The following EBF1 variants were observed in gnomAD, a reference collection of about 807,000 sequenced individuals.
EBF1 encodes EBF transcription factor 1, also known as transcription factor COE1.
EBF1 carries 10 observed loss-of-function variants against 68.4 expected under a neutral mutation model. The ratio of observed to expected loss-of-function variants is 0.15; its 90% confidence interval spans 0.09 to 0.25. EBF1 has a LOEUF of 0.25. EBF1 is among the 10% of genes least tolerant of loss of function. The pLI, the probability that EBF1 is intolerant of heterozygous loss-of-function variation, is 1.00. For missense variants in EBF1, 509 were observed against 794.4 expected (o/e 0.64, Z 4.32); for synonymous variants, 298 against 299.8 (o/e 0.99, Z 0.06).
At chr5:158,782,538 G>A (rs1581838469) in intron 9 of EBF1, among the ~76,000 whole-genome samples, 1 of 152,188 alleles carries the variant, frequency 6.6e-6, no homozygotes, top group Middle Eastern at 3.4e-3. Flanking sequence ...GCATGCGCCT[G>A]TAGTCCCAGC....
intron 6 of EBF1, among the ~76,000 whole-genome samples, chr5:158,862,349 A>T (rs1036405567): frequency 5.3e-5 from 8 of 151,996 alleles, no homozygotes; most frequent in East Asian, 1.9e-4. Context: ...AATGTTTATT[A>T]AAAAAAACAA....
intron 6 of EBF1, among the ~76,000 whole-genome samples, chr5:158,911,871 AATTT>A (rs1208977140): frequency 6.6e-6 from 1 of 152,204 alleles, no homozygotes; most frequent in Non-Finnish European, 1.5e-5. Context: ...ATTGTTATCC[AATTT>A]ATTCTTCTCT....
At chr5:158,703,800 C>T (rs1757270377) in intron 15 of EBF1, among the ~76,000 whole-genome samples, 1 of 152,190 alleles carries the variant, frequency 6.6e-6, no homozygotes, top group African/African-American at 2.4e-5. Context: ...TTGCCCCCAT[C>T]TCCCTGGCCC....
intron 6 of EBF1, among the ~76,000 whole-genome samples, chr5:158,857,604 A>T (rs1794284224): frequency 6.6e-6 from 1 of 152,218 alleles, no homozygotes; most frequent in African/African-American, 2.4e-5. Context: ...AAAAAAAAGT[A>T]AGTGTAAGTG....
At chr5:159,058,341 C>G (rs192368658) in intron 6 of EBF1, among the ~76,000 whole-genome samples, 1 of 152,212 alleles carries the variant, frequency 6.6e-6, no homozygotes, top group Non-Finnish European at 1.5e-5. Flanking sequence ...TTAGGACCAT[C>G]AGCAGAAGCA....
chr5:158,909,798 G>A (rs1003564386), intron 6 of EBF1, among the ~76,000 whole-genome samples: 2 of 151,768 alleles, frequency 1.3e-5, no homozygotes, highest in African/African-American at 2.4e-5. Flanking sequence ...TTAGCTGGAC[G>A]TGGTGGCACA....
chr5:158,741,198 T>C (rs764811546), intron 10 of EBF1, among the ~76,000 whole-genome samples: 1 of 152,226 alleles, frequency 6.6e-6, no homozygotes, highest in Admixed American at 6.5e-5. Flanking sequence ...TTTGATTCCA[T>C]ATTGGTTTTC....
intron 10 of EBF1, among the ~76,000 whole-genome samples, chr5:158,771,334 C>T (rs1406997396): frequency 4.6e-5 from 7 of 152,088 alleles, no homozygotes; most frequent in Non-Finnish European, 7.4e-5. Context: ...CTCCATTTTA[C>T]AGATAAGAAA....
At chr5:158,732,885 C>G (rs1223188801) in intron 10 of EBF1, among the ~76,000 whole-genome samples, 1 of 152,102 alleles carries the variant, frequency 6.6e-6, no homozygotes, top group African/African-American at 2.4e-5. Flanking sequence ...CCCCCCATTT[C>G]CAAACAGTAA....
intron 6 of EBF1, among the ~76,000 whole-genome samples, chr5:158,912,552 G>A (rs1262741189): frequency 6.6e-6 from 1 of 152,074 alleles, no homozygotes; most frequent in South Asian, 2.1e-4. Flanking sequence ...TACTGAACTA[G>A]AATCCCTTGG....
chr5:158,740,789 C>T (rs1213394887), intron 10 of EBF1, among the ~76,000 whole-genome samples: 1 of 152,146 alleles, frequency 6.6e-6, no homozygotes, highest in Non-Finnish European at 1.5e-5. Flanking sequence ...CATCTTGATC[C>T]TAAGAAGTCT....
At chr5:158,989,689 A>C (rs905229241) in intron 6 of EBF1, among the ~76,000 whole-genome samples, 4 of 151,310 alleles carry the variant, frequency 2.6e-5, no homozygotes, top group African/African-American at 7.3e-5. Flanking sequence ...TTTCACTCTT[A>C]CTCCCCTTTC....
At chr5:158,997,089 G>A (rs956180547) in intron 6 of EBF1, among the ~76,000 whole-genome samples, 3 of 152,034 alleles carry the variant, frequency 2.0e-5, no homozygotes, top group African/African-American at 7.2e-5. Flanking sequence ...CTCCACAAAA[G>A]CCCTTTGTCT....
chr5:158,922,362 C>G (rs917136618), intron 6 of EBF1, among the ~76,000 whole-genome samples: 1 of 152,134 alleles, frequency 6.6e-6, no homozygotes, highest in Non-Finnish European at 1.5e-5. Context: ...TCTGTCATCC[C>G]CCAGGTAAGT....
In EBF1 at chr5:158,982,379, T is replaced by C. The variant is rs571356534; in HGVS notation, c.554+91017A>G. On this transcript the variant is annotated intron_variant, in intron 6 of 15. Coordinates refer to ENST00000313708, the MANE Select transcript of EBF1 (RefSeq NM_024007.5). ...ATGAAAAGGATGCACTTGGGCATACTTCACACTCAAGTTAACAGTCATTTA... is the reference window on the plus strand; with the variant it reads ...ATGAAAAGGATGCACTTGGGCATACCTCACACTCAAGTTAACAGTCATTTA... Among the ~76,000 whole-genome samples, 12 of 152,314 alleles carry C rather than the reference T, an allele frequency of 7.9e-5. No individual in the cohort carries two copies. In the South Asian group the frequency reaches 2.5e-3, roughly 32 times the overall value.
At chr5:158,729,661 A>C (rs909372515) in intron 11 of EBF1, among the ~76,000 whole-genome samples, 1 of 152,226 alleles carries the variant, frequency 6.6e-6, no homozygotes, top group Non-Finnish European at 1.5e-5. Flanking sequence ...TAACCTGTAG[A>C]TGATTTAATT....
In EBF1 at chr5:158,697,628, A is replaced by G. The variant is rs138330822; in HGVS notation, c.*1483T>C. ...AAGCCTTTTAATTAACTTTGCAAGTATGTGCAAGCTAAAGGTAGTGAGCTT... is the reference window on the plus strand; with the variant it reads ...AAGCCTTTTAATTAACTTTGCAAGTGTGTGCAAGCTAAAGGTAGTGAGCTT... On this transcript the variant is annotated 3_prime_UTR_variant, in exon 16 of 16. Transcript: ENST00000313708. 5.8e-3 allele frequency: 1,179 copies of G among 204,158 alleles called. 13 individuals are homozygous for G. Among genetic ancestry groups the G allele is most frequent in the African/African-American group, 0.024 (1,038 of 43,842 alleles). The allele number at this position is 204,158 out of a possible 1,614,324, so 12.6% of individuals were successfully genotyped here.
Position 158,801,723 on chromosome 5 carries a change from A to G in EBF1, c.779-5248T>C, listed in dbSNP as rs1186287238. ...GTTCAGCTCCAGTACGTATTTAACAACTAATGTTCTGTGTGCAGACAACTG... is the reference window on the plus strand; with the variant it reads ...GTTCAGCTCCAGTACGTATTTAACAGCTAATGTTCTGTGTGCAGACAACTG... On this transcript the variant is annotated intron_variant, in intron 8 of 15. Transcript: ENST00000313708. Among the ~76,000 whole-genome samples, 4 of 152,070 alleles carry G rather than the reference A, an allele frequency of 2.6e-5. No homozygotes were observed. The East Asian group carries it at 5.8e-4, about 22-fold the overall frequency.
At chr5:159,075,159 G>A (rs1249400455) in intron 5 of EBF1, among the ~76,000 whole-genome samples, 1 of 152,076 alleles carries the variant, frequency 6.6e-6, no homozygotes, top group Non-Finnish European at 1.5e-5. Flanking sequence ...CTGTAAAATG[G>A]AGCAATTGCA....
Sources: gnomAD v4.1 joint callset for allele counts (sites outside exome capture counted in the v4.1 genomes callset) on GRCh38, gnomAD v4.1.1 for gene constraint, MANE v1.5 for transcripts, NCBI Gene and HGNC (gene_info 2026-07-23, HGNC 2026-07-21) for gene names.